Variants in STXBP6 observed in about 807,000 individuals in gnomAD.
STXBP6 encodes the protein syntaxin binding protein 6.
Under a neutral mutation model 26.9 loss-of-function variants are expected in STXBP6, and 21 were observed. The observed-to-expected ratio is 0.78, with a 90% confidence interval of 0.55 to 1.12. STXBP6 has a LOEUF of 1.12. Among genes scored for constraint, STXBP6 ranks in the 50% most tolerant of loss-of-function variants. The pLI is 0.00. For missense variants in STXBP6, 232 were observed against 257.9 expected, an observed-to-expected ratio of 0.90 and a Z score of 0.69; for synonymous variants, 97 against 92.6, an observed-to-expected ratio of 1.05 and a Z score of -0.27.
intron 4 of STXBP6, among the ~76,000 whole-genome samples, chr14:24,836,959 TGTA>T (rs2138978238): frequency 6.6e-6 from 1 of 152,236 alleles, no homozygotes; most frequent in Admixed American, 6.5e-5. Context: ...TTCGACAAAA[TGTA>T]GTAATCATTT....
At chr14:24,993,697 T>C (rs1595273358) in intron 1 of STXBP6, among the ~76,000 whole-genome samples, 1 of 152,326 alleles carries the variant, frequency 6.6e-6, no homozygotes, top group Non-Finnish European at 1.5e-5. Context: ...CTTTTGCAAC[T>C]GGAAGGCAGA....
chr14:25,013,313 C>T (rs2075072585), intron 1 of STXBP6, among the ~76,000 whole-genome samples: 1 of 152,020 alleles, frequency 6.6e-6, no homozygotes, highest in Non-Finnish European at 1.5e-5. Flanking sequence ...CTCAGGATAG[C>T]CAAACAGATG....
chr14:24,864,012 G>A (rs2139257814), intron 2 of STXBP6, among the ~76,000 whole-genome samples: 1 of 152,192 alleles, frequency 6.6e-6, no homozygotes, highest in East Asian at 1.9e-4. Flanking sequence ...TTTCTGAAAG[G>A]GATTAAATCC....
chr14:24,955,244 C>T (rs2073301941), intron 2 of STXBP6, among the ~76,000 whole-genome samples: 3 of 152,096 alleles, frequency 2.0e-5, no homozygotes, highest in South Asian at 2.1e-4. Flanking sequence ...GGTCAAAGGG[C>T]CTGTTAGATT....
intron 2 of STXBP6, among the ~76,000 whole-genome samples, chr14:24,880,453 G>A (rs762707806): frequency 7.2e-5 from 11 of 152,104 alleles, no homozygotes; most frequent in Non-Finnish European, 1.6e-4. Flanking sequence ...CAGCCTCAAC[G>A]TGCATAGAGA....
At chr14:24,836,332 C>G (rs1195084948) in intron 4 of STXBP6, among the ~76,000 whole-genome samples, 2 of 152,090 alleles carry the variant, frequency 1.3e-5, no homozygotes, top group African/African-American at 2.4e-5. Context: ...CGTGATGGCT[C>G]ACAACTGTAA....
chr14:24,900,128 T>C (rs1377813956), intron 2 of STXBP6, among the ~76,000 whole-genome samples: 2 of 152,236 alleles, frequency 1.3e-5, no homozygotes, highest in Admixed American at 6.5e-5. Context: ...ATTTTGTTCC[T>C]AATATTAGAT....
At chr14:25,048,220 T>G (rs1380922038) in intron 1 of STXBP6, among the ~76,000 whole-genome samples, 2 of 152,226 alleles carry the variant, frequency 1.3e-5, no homozygotes, top group Non-Finnish European at 2.9e-5. Flanking sequence ...AGAGACAATA[T>G]CTAAGACCTG....
At chr14:24,934,190 TG>T (rs1327502004) in intron 2 of STXBP6, among the ~76,000 whole-genome samples, 2 of 152,178 alleles carry the variant, frequency 1.3e-5, no homozygotes, top group African/African-American at 4.8e-5. Flanking sequence ...AAATTGAACT[TG>T]TAGATTTTAT....
chr14:25,009,426 T>C lies in STXBP6; in HGVS notation c.-32-34576A>G, dbSNP rs184339901. 3.9e-5 allele frequency among the ~76,000 whole-genome samples: 6 copies of C among 152,316 alleles called. No homozygotes were observed. In the East Asian group the frequency reaches 9.6e-4, roughly 24 times the overall value. ...AATGAGGCATAAATTATACAAATTA[T>C]ACAAAACTATACAATAAGTAACCAA... On this transcript the variant is annotated intron_variant, in intron 1 of 5. Coordinates refer to ENST00000323944, the MANE Select transcript of STXBP6 (RefSeq NM_001394410.1).
At chr14:24,862,085 T>C (rs1214900993) in intron 2 of STXBP6, among the ~76,000 whole-genome samples, 1 of 152,128 alleles carries the variant, frequency 6.6e-6, no homozygotes, top group Admixed American at 6.6e-5. Context: ...GCAGCCTCAA[T>C]CTCCTGGGCT....
chr14:24,961,361 C>G (rs959897449), intron 2 of STXBP6, among the ~76,000 whole-genome samples: 27 of 151,626 alleles, frequency 1.8e-4, no homozygotes, highest in African/African-American at 6.1e-4. Context: ...TAACAAACCC[C>G]TGTGGCACAA....
chr14:24,999,738 C>T (rs553567402), intron 1 of STXBP6, among the ~76,000 whole-genome samples: 4 of 152,018 alleles, frequency 2.6e-5, no homozygotes, highest in Non-Finnish European at 5.9e-5. Flanking sequence ...GAAAGAGTTG[C>T]AATATATAGA....
chr14:24,886,152 C>T (rs1402123819), intron 2 of STXBP6, among the ~76,000 whole-genome samples: 2 of 152,106 alleles, frequency 1.3e-5, no homozygotes, highest in African/African-American at 4.8e-5. Flanking sequence ...TTCTACTTGC[C>T]CCAATCGCTT....
At chr14:24,996,727 T>A (rs996422377) in intron 1 of STXBP6, among the ~76,000 whole-genome samples, 2 of 151,196 alleles carry the variant, frequency 1.3e-5, no homozygotes, top group African/African-American at 4.9e-5. Flanking sequence ...TGGTGGCACG[T>A]GCCTGTGATC....
intron 1 of STXBP6, among the ~76,000 whole-genome samples, chr14:24,975,083 C>T (rs1252272315): frequency 1.3e-5 from 2 of 152,064 alleles, no homozygotes; most frequent in African/African-American, 4.8e-5. Flanking sequence ...AAATGTCAAA[C>T]ACAATATGAG....
At chr14:24,988,790 T>C (rs1022952289) in intron 1 of STXBP6, among the ~76,000 whole-genome samples, 9 of 152,088 alleles carry the variant, frequency 5.9e-5, no homozygotes, top group Non-Finnish European at 1.0e-4. Flanking sequence ...ACCTGAACCC[T>C]TGTAGAAGAG....
chr14:24,948,406 A>G (rs2073061585), intron 2 of STXBP6, among the ~76,000 whole-genome samples: 1 of 152,170 alleles, frequency 6.6e-6, no homozygotes, highest in Non-Finnish European at 1.5e-5. Flanking sequence ...GGGAAGTGCC[A>G]GGAGCTCAGG....
intron 4 of STXBP6, among the ~76,000 whole-genome samples, chr14:24,850,394 T>C (rs1594959144): frequency 1.3e-5 from 2 of 152,238 alleles, no homozygotes; most frequent in East Asian, 3.9e-4. Flanking sequence ...TACTATCATC[T>C]GAAGGGCTGT....
Sources: allele counts gnomAD v4.1 joint callset (sites outside exome capture counted in the v4.1 genomes callset), GRCh38; gene constraint gnomAD v4.1.1; transcripts MANE v1.5; gene names NCBI Gene and HGNC (gene_info 2026-07-23, HGNC 2026-07-21).